GABRG2: variants seen among roughly 807,000 people sequenced by gnomAD.
The protein encoded by GABRG2 is gamma-aminobutyric acid type A receptor subunit gamma2.
In GABRG2, 16 loss-of-function variants were observed where a neutral mutation model predicts 56.4. The observed-to-expected ratio is 0.28, with a 90% CI of 0.19 to 0.43. The LOEUF (loss-of-function observed/expected upper bound fraction) is 0.43, where lower values mean the gene tolerates loss of function less well. GABRG2 is among the 20% of genes least tolerant of loss of function. GABRG2 has a pLI of 1.00. For synonymous variants in GABRG2, 208 were observed against 205.5 expected, an observed-to-expected ratio of 1.01 and a Z score of -0.10; for missense variants, 327 against 582.7, an observed-to-expected ratio of 0.56 and a Z score of 4.52.
rs374957150 is a variant in GABRG2 at position 162,147,195 on chromosome 5, CTCTTTCTTTCTTTCTTCCT to C, written c.923-1901_923-1883del. ...TCCAAGTCTCTCTACCTCTTTCTTT[CTCTTTCTTTCTTTCTTCCT>C]TCTTTCTTTCTCTTTCTTTCTTCTT... On this transcript the variant is annotated intron_variant, in intron 7 of 9. Coordinates refer to ENST00000639213, the MANE Select transcript of GABRG2 (RefSeq NM_198904.4). 4.3e-3 allele frequency among the ~76,000 whole-genome samples: 648 copies of C among 151,948 alleles called. 7 individuals carry two copies. The highest frequency in any genetic ancestry group is 0.015 in the African/African-American group (614 of 41,442).
chr5:162,121,110 A>G (rs529769076), intron 6 of GABRG2, among the ~76,000 whole-genome samples: 2 of 152,254 alleles, frequency 1.3e-5, no homozygotes, highest in African/African-American at 2.4e-5. Flanking sequence ...TGTCAAAAGT[A>G]TGGACCAATG....
chr5:162,078,397 A>ATATATATATT (rs1371312030), intron 1 of GABRG2, among the ~76,000 whole-genome samples: 5 of 30,686 alleles, frequency 1.6e-4, no homozygotes, highest in African/African-American at 8.6e-4. Flanking sequence ...ATATATATAT[A>ATATATATATT]TTTTTTTTTT....
intron 7 of GABRG2, among the ~76,000 whole-genome samples, chr5:162,147,992 C>A (rs1298885269): frequency 6.6e-6 from 1 of 152,094 alleles, no homozygotes; most frequent in Non-Finnish European, 1.5e-5. Flanking sequence ...AACTTAAGTT[C>A]CTATAGCAAG....
In GABRG2 at chr5:162,154,775, T is replaced by A. The variant is rs748908802; in HGVS notation, c.*1407T>A. ...AGCAAAATTCATACCTGACTAGTGTTCAGAATGTAGCATTCTGTGCGAAAA... is the reference window on the plus strand; with the variant it reads ...AGCAAAATTCATACCTGACTAGTGTACAGAATGTAGCATTCTGTGCGAAAA... On this transcript the variant is annotated 3_prime_UTR_variant, in exon 10 of 10. Coordinates refer to ENST00000639213, the MANE Select transcript of GABRG2 (RefSeq NM_198904.4). The A allele has an allele frequency of 3.3e-5, 5 of 151,970 alleles. No individual in the cohort carries two copies. The highest frequency in any genetic ancestry group is 7.4e-5 in the Non-Finnish European group (5 of 68,008). 9.4% of individuals were successfully genotyped at this position (151,970 alleles called of 1,614,324 possible).
intron 6 of GABRG2, among the ~76,000 whole-genome samples, chr5:162,130,835 A>T (rs1049390084): frequency 6.6e-6 from 1 of 152,000 alleles, no homozygotes; most frequent in Admixed American, 6.6e-5. Flanking sequence ...TGGATGTGGT[A>T]GAGCATACAC....
chr5:162,137,854 G>T (rs570404742), intron 6 of GABRG2, among the ~76,000 whole-genome samples: 49 of 151,768 alleles, frequency 3.2e-4, no homozygotes, highest in South Asian at 1.3e-3. Flanking sequence ...CAGGCTCAAG[G>T]GATCCTCCCA....
At chr5:162,134,216 T>C (rs1317944879) in intron 6 of GABRG2, among the ~76,000 whole-genome samples, 1 of 152,170 alleles carries the variant, frequency 6.6e-6, no homozygotes, top group Non-Finnish European at 1.5e-5. Context: ...TAGGTAGCTC[T>C]GTCTCTTTGG....
intron 7 of GABRG2, among the ~76,000 whole-genome samples, chr5:162,143,539 G>C (rs926309223): frequency 2.0e-5 from 3 of 152,084 alleles, no homozygotes; most frequent in African/African-American, 7.2e-5. Flanking sequence ...TAGTGGACGT[G>C]AACAAAATTC....
At chr5:162,142,362 A>G (rs1196282422) in intron 7 of GABRG2, 46 bp downstream of exon 7, 3 of 1,587,622 alleles carry the variant, frequency 1.9e-6, no homozygotes, top group Non-Finnish European at 2.6e-6. Flanking sequence ...ATAAGTACCA[A>G]ATACAAGTAA....
At chr5:162,120,334 G>A (rs1474211950) in intron 6 of GABRG2, among the ~76,000 whole-genome samples, 4 of 151,828 alleles carry the variant, frequency 2.6e-5, no homozygotes, top group Admixed American at 2.6e-4. Context: ...ATTCTCTCAG[G>A]GGTTCTTTCT....
At chr5:162,133,534 G>A (rs1763905271) in intron 6 of GABRG2, among the ~76,000 whole-genome samples, 2 of 152,074 alleles carry the variant, frequency 1.3e-5, no homozygotes, top group Admixed American at 1.3e-4. Context: ...TCTTTCGATG[G>A]ATCAAAGTAG....
intron 6 of GABRG2, among the ~76,000 whole-genome samples, chr5:162,118,918 C>G (rs2113469440): frequency 6.6e-6 from 1 of 152,120 alleles, no homozygotes; most frequent in East Asian, 1.9e-4. Flanking sequence ...CAGAGGAAGA[C>G]AGAGGAAGGT....
At chr5:162,129,062 G>T (rs896386007) in intron 6 of GABRG2, among the ~76,000 whole-genome samples, 1 of 151,922 alleles carries the variant, frequency 6.6e-6, no homozygotes, top group Non-Finnish European at 1.5e-5. Context: ...GTATTTTAGA[G>T]AAATAATTTT....
intron 6 of GABRG2, among the ~76,000 whole-genome samples, chr5:162,136,075 C>T (rs1460935989): frequency 6.6e-6 from 1 of 152,018 alleles, no homozygotes; most frequent in African/African-American, 2.4e-5. Context: ...TGAGAATTTT[C>T]CCCTTGGAAA....
intron 1 of GABRG2, among the ~76,000 whole-genome samples, chr5:162,077,679 C>T (rs759223425): frequency 2.0e-5 from 3 of 152,116 alleles, no homozygotes; most frequent in East Asian, 3.9e-4. Flanking sequence ...ATAAGAAACA[C>T]GTCTTATTTT....
At chr5:162,102,535 TTTG>T in intron 5 of GABRG2, 2 of 454,222 alleles carry the variant, frequency 4.4e-6, no homozygotes, top group South Asian at 3.1e-5. Flanking sequence ...GTTGTTTTGT[TTTG>T]TTTTGTTTTG....
chr5:162,143,570 G>A (rs1453100474), intron 7 of GABRG2, among the ~76,000 whole-genome samples: 2 of 152,136 alleles, frequency 1.3e-5, no homozygotes, highest in Non-Finnish European at 2.9e-5. Flanking sequence ...CATCAGCTAT[G>A]TAAAACCTAG....
At chr5:162,107,630 G>A (rs537035149) in intron 6 of GABRG2, among the ~76,000 whole-genome samples, 2 of 152,272 alleles carry the variant, frequency 1.3e-5, no homozygotes, top group South Asian at 4.1e-4. Context: ...GGGTCGATAA[G>A]ATTTGAAGAA....
intron 6 of GABRG2, among the ~76,000 whole-genome samples, chr5:162,131,699 A>G (rs539383182): frequency 1.3e-5 from 2 of 152,058 alleles, no homozygotes; most frequent in Non-Finnish European, 2.9e-5. Context: ...TAACATGCAT[A>G]CTATCAATCC....
Sources: allele counts gnomAD v4.1 joint callset (sites outside exome capture counted in the v4.1 genomes callset), GRCh38; gene constraint gnomAD v4.1.1; transcripts MANE v1.5; gene names NCBI Gene and HGNC (gene_info 2026-07-23, HGNC 2026-07-21).